The following CNTN5 variants were observed in gnomAD, a reference collection of about 807,000 sequenced individuals.
The protein encoded by CNTN5 is contactin 5.
Under a neutral mutation model 129.1 loss-of-function variants are expected in CNTN5, and 77 were observed. The observed-to-expected ratio is 0.60, with a 90% CI of 0.50 to 0.72. CNTN5 has a LOEUF of 0.72. Ranked by LOEUF, CNTN5 falls within the 30% of genes least tolerant of loss-of-function variation. CNTN5 has a pLI of 0.00. For missense variants in CNTN5, 1,478 were observed against 1,328.8 expected (o/e 1.11, Z -1.75); for synonymous variants, 509 against 465.6 (o/e 1.09, Z -1.20).
chr11:99,696,395 G>T (rs953993270), intron 3 of CNTN5, among the ~76,000 whole-genome samples: 3 of 152,012 alleles, frequency 2.0e-5, no homozygotes, highest in African/African-American at 2.4e-5. Flanking sequence ...ATGAGATAGA[G>T]TATTTTTATT....
chr11:99,342,588 A>AAAAAAAAAAAAAAAAAAG (rs1866566554), intron 2 of CNTN5, among the ~76,000 whole-genome samples: 1 of 145,350 alleles, frequency 6.9e-6, no homozygotes, highest in Non-Finnish European at 1.5e-5. Flanking sequence ...AAAAAAAAAA[A>AAAAAAAAAAAAAAAAAAG]AAAAAAAAAA....
chr11:100,000,494 G>A (rs1482799217), intron 8 of CNTN5, among the ~76,000 whole-genome samples: 1 of 152,234 alleles, frequency 6.6e-6, no homozygotes, highest in East Asian at 1.9e-4. Context: ...TGGTTCTGCA[G>A]GGCACAGCAC....
At chr11:100,174,199 A>G (rs1947898390) in intron 13 of CNTN5, among the ~76,000 whole-genome samples, 1 of 152,094 alleles carries the variant, frequency 6.6e-6, no homozygotes, top group African/African-American at 2.4e-5. Flanking sequence ...GTAAGTCAGA[A>G]ACAAGGATAT....
chr11:99,235,270 G>A lies in CNTN5; in HGVS notation c.-209-90076G>A, dbSNP rs1209688507. ...TGGAGATGAAGAATAAAAAATAAAA[G>A]CAAGAAAAAATAAGGATATGTCTTT... On this transcript the variant is annotated intron_variant, in intron 1 of 24. Transcript: ENST00000524871. 2.0e-5 allele frequency among the ~76,000 whole-genome samples: 3 copies of A among 151,920 alleles called. No homozygotes were observed. In the East Asian group the frequency reaches 5.8e-4, roughly 29 times the overall value.
At chr11:99,269,040 ACAAGC>A (rs1863042975) in intron 1 of CNTN5, among the ~76,000 whole-genome samples, 1 of 151,942 alleles carries the variant, frequency 6.6e-6, no homozygotes, top group Non-Finnish European at 1.5e-5. Context: ...TGGCAGAGAG[ACAAGC>A]AAGGATAGAT....
At chr11:99,983,253 A>G (rs1267653881) in intron 8 of CNTN5, among the ~76,000 whole-genome samples, 1 of 152,218 alleles carries the variant, frequency 6.6e-6, no homozygotes, top group Non-Finnish European at 1.5e-5. Flanking sequence ...ATTATAGTTT[A>G]TTAAACAGAG....
At chr11:99,417,445 G>A (rs1319263251) in intron 2 of CNTN5, among the ~76,000 whole-genome samples, 2 of 152,128 alleles carry the variant, frequency 1.3e-5, no homozygotes, top group Non-Finnish European at 2.9e-5. Flanking sequence ...TATTCACAAT[G>A]TACCGTCAAC....
chr11:99,317,831 A>T (rs1865405981), intron 1 of CNTN5, among the ~76,000 whole-genome samples: 1 of 152,186 alleles, frequency 6.6e-6, no homozygotes, highest in African/African-American at 2.4e-5. Flanking sequence ...CTGTAAAAAA[A>T]AAGAAAACTT....
chr11:100,133,670 C>T (rs545600202), intron 13 of CNTN5, among the ~76,000 whole-genome samples: 27 of 152,226 alleles, frequency 1.8e-4, no homozygotes, highest in East Asian at 9.7e-4. Context: ...TCCCTCCACA[C>T]GTATTTATTG....
chr11:99,932,702 A>G (rs909787851), intron 7 of CNTN5, among the ~76,000 whole-genome samples: 4 of 152,152 alleles, frequency 2.6e-5, no homozygotes, highest in Admixed American at 1.3e-4. Flanking sequence ...ATATATGTAA[A>G]GTATTTTACC....
chr11:99,563,248 A>G (rs1948898040), intron 3 of CNTN5, among the ~76,000 whole-genome samples: 1 of 152,200 alleles, frequency 6.6e-6, no homozygotes, highest in Non-Finnish European at 1.5e-5. Context: ...ACATTTAATG[A>G]AGTAGTAGAA....
At chr11:100,161,874 A>ACACACAC (rs1565302482) in intron 13 of CNTN5, among the ~76,000 whole-genome samples, 5 of 61,150 alleles carry the variant, frequency 8.2e-5, no homozygotes, top group South Asian at 4.9e-4. Context: ...CACACACACA[A>ACACACAC]AACAAAAAAC....
chr11:99,285,921 C>T (rs560907294), intron 1 of CNTN5, among the ~76,000 whole-genome samples: 7 of 151,228 alleles, frequency 4.6e-5, no homozygotes, highest in South Asian at 2.1e-4. Flanking sequence ...ACCTGTAATC[C>T]GAGCTATTTG....
rs572185228 is a variant in CNTN5, at chr11:100,340,490, G to A, written c.2758G>A (p.Glu920Lys). 1.2e-6 allele frequency: 2 copies of A among 1,612,056 alleles called. No individual in the cohort carries two copies. Among genetic ancestry groups the A allele is most frequent in the Admixed American group, 1.7e-5 (1 of 59,768 alleles). Residue 920 changes from glutamate to lysine, a missense_variant, in exon 22 of 25, where the codon GAA (glutamate) becomes AAA (lysine). Physicochemically the swap from Glu to Lys is moderately conservative, Grantham distance 56. Coordinates refer to ENST00000524871, the MANE Select transcript of CNTN5 (RefSeq NM_014361.4). Reference protein sequence around the residue: ...EVGYWKDMEQEDTAETVKTRG... With the variant: ...EVGYWKDMEQKDTAETVKTRG... ...TGGTTACTGGAAAGACATGGAACAG[G>A]AAGATACAGCAGAAACAGTCAAAAC...
intron 4 of CNTN5, among the ~76,000 whole-genome samples, chr11:99,835,536 G>A (rs181082336): frequency 6.4e-4 from 98 of 152,298 alleles, no homozygotes; most frequent in Non-Finnish European, 1.1e-3. Context: ...TGAGTCTATA[G>A]TGAATGTCAG....
At chr11:100,173,807 TC>T (rs1947887751) in intron 13 of CNTN5, among the ~76,000 whole-genome samples, 2 of 152,052 alleles carry the variant, frequency 1.3e-5, no homozygotes, top group Non-Finnish European at 2.9e-5. Context: ...GGCAGCTATG[TC>T]CCAGAAGGGA....
At chr11:100,178,773 G>A (rs150582598) in intron 13 of CNTN5, among the ~76,000 whole-genome samples, 34 of 152,190 alleles carry the variant, frequency 2.2e-4, no homozygotes, top group African/African-American at 7.5e-4. Context: ...GTTTGATTTG[G>A]GATATTCTAT....
At chr11:100,232,902 A>G (rs1021390845) in intron 16 of CNTN5, among the ~76,000 whole-genome samples, 2 of 152,206 alleles carry the variant, frequency 1.3e-5, no homozygotes, top group African/African-American at 4.8e-5. Flanking sequence ...ACTGCACTAA[A>G]GGCTCCATAT....
intron 3 of CNTN5, among the ~76,000 whole-genome samples, chr11:99,706,748 C>G (rs1954771756): frequency 6.6e-6 from 1 of 151,052 alleles, no homozygotes; most frequent in Admixed American, 6.6e-5. Context: ...CTGTGGAAGA[C>G]TTCTACACTC....
Sources: gnomAD v4.1 joint callset for allele counts (sites outside exome capture counted in the v4.1 genomes callset) on GRCh38, gnomAD v4.1.1 for gene constraint, MANE v1.5 for transcripts, NCBI Gene and HGNC (gene_info 2026-07-23, HGNC 2026-07-21) for gene names.